Variants in RGS7 observed in about 807,000 individuals in gnomAD.
RGS7 encodes the protein regulator of G protein signaling 7, also known as regulator of G-protein signaling 7.
RGS7 carries 27 observed loss-of-function variants against 81.1 expected under a neutral mutation model. The observed-to-expected ratio is 0.33, with a 90% CI of 0.25 to 0.46. The LOEUF is 0.46. Among genes scored for constraint, RGS7 ranks in the 20% least tolerant of loss-of-function variants. The pLI is 1.00. For synonymous variants in RGS7, 208 were observed against 207.7 expected (o/e 1.00, Z -0.01); for missense variants, 396 against 607.4 (o/e 0.65, Z 3.66).
chr1:241,074,257 C>T (rs1201349851), intron 3 of RGS7, among the ~76,000 whole-genome samples: 1 of 151,978 alleles, frequency 6.6e-6, no homozygotes, highest in African/African-American at 2.4e-5. Context: ...GTTTATGCCA[C>T]CCAAAGAAAT....
intron 3 of RGS7, among the ~76,000 whole-genome samples, chr1:240,992,881 G>A (rs1686667177): frequency 6.6e-6 from 1 of 151,338 alleles, no homozygotes; most frequent in South Asian, 2.1e-4. Context: ...CGGGCATGGT[G>A]GCGTGCACCT....
chr1:241,027,298 A>G (rs2059842402), intron 3 of RGS7, among the ~76,000 whole-genome samples: 3 of 152,096 alleles, frequency 2.0e-5, no homozygotes, highest in Admixed American at 2.0e-4. Context: ...GAAACTTGGG[A>G]AGTGAGCAGA....
intron 2 of RGS7, among the ~76,000 whole-genome samples, chr1:241,106,774 A>ACACC (rs2065145165): frequency 6.7e-6 from 1 of 150,028 alleles, no homozygotes; most frequent in South Asian, 2.1e-4. Context: ...ACACACACAC[A>ACACC]CACACACACG....
At chr1:241,155,894 G>A (rs116032195) in intron 2 of RGS7, among the ~76,000 whole-genome samples, 166 of 152,190 alleles carry the variant, frequency 1.1e-3, no homozygotes, top group African/African-American at 3.8e-3. Flanking sequence ...CTTTTGGGTT[G>A]TCTCTTCTCC....
At chr1:240,821,188 C>T (rs1691725767) in intron 10 of RGS7, among the ~76,000 whole-genome samples, 2 of 152,188 alleles carry the variant, frequency 1.3e-5, no homozygotes, top group Admixed American at 1.3e-4. Flanking sequence ...TGTGGTGGCT[C>T]ATGTCTGTAA....
intron 9 of RGS7, among the ~76,000 whole-genome samples, chr1:240,843,274 CT>C (rs954662484): frequency 2.7e-5 from 4 of 150,822 alleles, no homozygotes; most frequent in Non-Finnish European, 4.4e-5. Flanking sequence ...TTTCTTTTTT[CT>C]TTTTTTTTGG....
chr1:240,927,866 A>C (rs748919142), intron 6 of RGS7, among the ~76,000 whole-genome samples: 22 of 152,202 alleles, frequency 1.4e-4, no homozygotes, highest in Non-Finnish European at 5.9e-5. Flanking sequence ...TTGGGGAGAA[A>C]GTGTAGGAGA....
chr1:241,091,594 T>A (rs372367290), intron 3 of RGS7, among the ~76,000 whole-genome samples: 1,864 of 135,466 alleles, frequency 0.014, 33 homozygotes, highest in South Asian at 0.022. Flanking sequence ...AATAAATAAA[T>A]AAAAAAGCTG....
At chr1:241,108,557 T>C (rs1230971382) in intron 2 of RGS7, among the ~76,000 whole-genome samples, 1 of 152,178 alleles carries the variant, frequency 6.6e-6, no homozygotes, top group Non-Finnish European at 1.5e-5. Context: ...ATTTCTTTTT[T>C]GTTCCTAGGA....
intron 2 of RGS7, among the ~76,000 whole-genome samples, chr1:241,140,426 T>A (rs1166712223): frequency 1.3e-5 from 2 of 152,146 alleles, no homozygotes; most frequent in South Asian, 4.1e-4. Flanking sequence ...AGCTTCTTTT[T>A]AACTATTTAT....
chr1:241,205,130 G>A (rs2073791347), intron 2 of RGS7, among the ~76,000 whole-genome samples: 1 of 143,920 alleles, frequency 6.9e-6, no homozygotes, highest in Non-Finnish European at 1.5e-5. Context: ...AGGCTAGAGT[G>A]CAGTGGCACC....
At chr1:241,268,588 T>C (rs2077713356) in intron 2 of RGS7, among the ~76,000 whole-genome samples, 1 of 152,090 alleles carries the variant, frequency 6.6e-6, no homozygotes, top group South Asian at 2.1e-4. Context: ...AAAGGGTAGG[T>C]GTGGTTTCCT....
chr1:240,881,080 C>T (rs1666277103), intron 6 of RGS7, among the ~76,000 whole-genome samples: 1 of 151,966 alleles, frequency 6.6e-6, no homozygotes, highest in South Asian at 2.1e-4. Context: ...TTTAAAAAAA[C>T]ACATACTGCA....
intron 3 of RGS7, among the ~76,000 whole-genome samples, chr1:241,091,941 T>A (rs1193924223): frequency 6.6e-6 from 1 of 152,112 alleles, no homozygotes; most frequent in Admixed American, 6.6e-5. Context: ...CAAGGGCTCA[T>A]TGAAATTATT....
intron 9 of RGS7, among the ~76,000 whole-genome samples, chr1:240,864,254 C>A (rs1249390032): frequency 6.6e-6 from 1 of 152,044 alleles, no homozygotes; most frequent in Non-Finnish European, 1.5e-5. Context: ...TTACATGATA[C>A]CTTTCTATAT....
chr1:241,311,433 T>C (rs574320500), intron 2 of RGS7, among the ~76,000 whole-genome samples: 125 of 152,354 alleles, frequency 8.2e-4, no homozygotes, highest in African/African-American at 2.9e-3. Context: ...CAATACATTG[T>C]TTCTATCCTG....
At chr1:240,808,846 G>A (rs974104025) in intron 14 of RGS7, among the ~76,000 whole-genome samples, 1 of 151,068 alleles carries the variant, frequency 6.6e-6, no homozygotes, top group African/African-American at 2.4e-5. Flanking sequence ...CTGAACTGCA[G>A]CCTGGGTGTC....
intron 16 of RGS7, 72 bp downstream of exon 16, chr1:240,802,832 C>T (rs1688235091): frequency 1.0e-6 from 1 of 964,550 alleles, no homozygotes; most frequent in Admixed American, 1.7e-5. Flanking sequence ...CTGGATTCAG[C>T]AGAGGTAATT....
At chr1:240,962,304 TCTCTCCGGCTC>T (rs1681589872) in intron 4 of RGS7, among the ~76,000 whole-genome samples, 1 of 152,152 alleles carries the variant, frequency 6.6e-6, no homozygotes, top group South Asian at 2.1e-4. Flanking sequence ...CTGCTATCTT[TCTCTCCGGCTC>T]CTGACCTAGT....
Sources: gnomAD v4.1 joint callset for allele counts (sites outside exome capture counted in the v4.1 genomes callset) on GRCh38, gnomAD v4.1.1 for gene constraint, MANE v1.5 for transcripts, NCBI Gene and HGNC (gene_info 2026-07-23, HGNC 2026-07-21) for gene names.